The following RIT2 variants were observed in gnomAD, a reference collection of about 807,000 sequenced individuals.
RIT2 encodes the protein GTP-binding protein Rit2.
RIT2 carries 24 observed loss-of-function variants against 23.7 expected under a neutral mutation model. That is an observed-to-expected ratio of 1.01 (90% CI 0.73 to 1.43). The LOEUF is 1.43. Among genes scored for constraint, RIT2 ranks in the 40% most tolerant of loss-of-function variants. The pLI is 0.00. For synonymous variants in RIT2, 107 were observed against 91.1 expected (o/e 1.17, Z -0.99); for missense variants, 236 against 266.9 (o/e 0.88, Z 0.81).
At chr18:42,967,661 G>T (rs1435138744) in intron 3 of RIT2, among the ~76,000 whole-genome samples, 4 of 149,778 alleles carry the variant, frequency 2.7e-5, no homozygotes, top group Non-Finnish European at 4.4e-5. Flanking sequence ...AAAGTACTGG[G>T]ATTACAGGCG....
At chr18:42,823,483 G>A (rs1906207779) in intron 4 of RIT2, among the ~76,000 whole-genome samples, 1 of 152,096 alleles carries the variant, frequency 6.6e-6, no homozygotes, top group African/African-American at 2.4e-5. Context: ...GCAAAGATTA[G>A]GTGATTAAAT....
At chr18:42,855,833 A>T (rs1208245650) in intron 4 of RIT2, among the ~76,000 whole-genome samples, 1 of 152,204 alleles carries the variant, frequency 6.6e-6, no homozygotes, top group Non-Finnish European at 1.5e-5. Flanking sequence ...AAGGATGATG[A>T]TATGCAAACA....
At chr18:43,008,599 A>T (rs1014584335) in intron 2 of RIT2, among the ~76,000 whole-genome samples, 1 of 151,456 alleles carries the variant, frequency 6.6e-6, no homozygotes, top group African/African-American at 2.4e-5. Context: ...TAAAAAAAAA[A>T]TAAAAGAGCT....
At chr18:42,817,050 G>A (rs1027055292) in intron 4 of RIT2, among the ~76,000 whole-genome samples, 5 of 152,026 alleles carry the variant, frequency 3.3e-5, no homozygotes, top group African/African-American at 9.7e-5. Flanking sequence ...ACTTCAAAGA[G>A]CAAAGATTTA....
At chr18:42,887,863 G>T in intron 4 of RIT2, among the ~76,000 whole-genome samples, 1 of 152,128 alleles carries the variant, frequency 6.6e-6, no homozygotes, top group Middle Eastern at 3.2e-3. Context: ...AGAAGACATG[G>T]AAGAAGCTTA....
At chr18:43,002,767 C>A (rs532974889) in intron 2 of RIT2, among the ~76,000 whole-genome samples, 2 of 152,050 alleles carry the variant, frequency 1.3e-5, no homozygotes, top group Admixed American at 6.6e-5. Flanking sequence ...AAGTCTTAAT[C>A]CCCAAAATCT....
Position 43,081,057 on chromosome 18 carries a change from G to A in RIT2, c.103+34360C>T, listed in dbSNP as rs190264021. Among the ~76,000 whole-genome samples the A allele has an allele frequency of 1.8e-3, 272 of 152,210 alleles. 1 individual carries two copies. Among genetic ancestry groups the A allele is most frequent in the African/African-American group, 6.0e-3 (251 of 41,540 alleles). Reference sequence around the variant, plus strand: ...CAATGATCCTTATTAGCAAATTGCCGGGAGTTTTGGTGACAAATGAAAGTC... The same window carrying A: ...CAATGATCCTTATTAGCAAATTGCCAGGAGTTTTGGTGACAAATGAAAGTC... On this transcript the variant is annotated intron_variant, in intron 1 of 4. Transcript: ENST00000326695.
chr18:42,781,073 A>G (rs745516837), intron 4 of RIT2, among the ~76,000 whole-genome samples: 1 of 152,148 alleles, frequency 6.6e-6, no homozygotes, highest in Non-Finnish European at 1.5e-5. Flanking sequence ...GACTCAAATA[A>G]TAACTGTGAA....
intron 1 of RIT2, among the ~76,000 whole-genome samples, chr18:43,079,858 T>C (rs577136442): frequency 1.3e-5 from 2 of 152,292 alleles, no homozygotes; most frequent in Admixed American, 1.3e-4. Flanking sequence ...AATTTCAAAT[T>C]TGAATATGAA....
In RIT2 at chr18:42,986,403, C is replaced by T. The variant is rs1458169479; in HGVS notation, c.161-12256G>A. Reference sequence around the variant, plus strand: ...CCTCCAATGAAGGGCAGGCAAAAGACTTAGGGTTAGCTTTCTTTTTGGTTG... The same window carrying T: ...CCTCCAATGAAGGGCAGGCAAAAGATTTAGGGTTAGCTTTCTTTTTGGTTG... On this transcript the variant is annotated intron_variant, in intron 2 of 4. Transcript: ENST00000326695. Among the ~76,000 whole-genome samples the T allele has an allele frequency of 3.3e-5, 5 of 152,004 alleles. No individual in the cohort carries two copies. In the East Asian group the frequency reaches 9.7e-4, roughly 29 times the overall value.
At chr18:42,893,167 A>G (rs1908226886) in intron 4 of RIT2, among the ~76,000 whole-genome samples, 1 of 148,316 alleles carries the variant, frequency 6.7e-6, no homozygotes, top group Non-Finnish European at 1.5e-5. Flanking sequence ...GGCAGAAGTT[A>G]CAGTGAGCCA....
intron 4 of RIT2, among the ~76,000 whole-genome samples, chr18:42,811,070 T>C (rs1051942680): frequency 6.6e-6 from 1 of 152,080 alleles, no homozygotes; most frequent in African/African-American, 2.4e-5. Flanking sequence ...AGATTTTGTC[T>C]GGAAAGTTAG....
chr18:42,854,254 A>G (rs1568013412), intron 4 of RIT2, among the ~76,000 whole-genome samples: 1 of 152,170 alleles, frequency 6.6e-6, no homozygotes, highest in African/African-American at 2.4e-5. Context: ...TCTCCAATCA[A>G]TAGGTCAGAG....
intron 1 of RIT2, among the ~76,000 whole-genome samples, chr18:43,037,647 C>A (rs2144289225): frequency 6.6e-6 from 1 of 151,768 alleles, no homozygotes; most frequent in South Asian, 2.1e-4. Flanking sequence ...TTTTTCAAAG[C>A]TTTACCAATC....
chr18:42,851,875 A>G (rs1029327318), intron 4 of RIT2, among the ~76,000 whole-genome samples: 5 of 152,256 alleles, frequency 3.3e-5, no homozygotes, highest in Non-Finnish European at 7.4e-5. Flanking sequence ...AAAGACAGGT[A>G]AGGGTCTCAC....
chr18:42,860,015 T>G (rs1907285995), intron 4 of RIT2, among the ~76,000 whole-genome samples: 2 of 152,200 alleles, frequency 1.3e-5, no homozygotes, highest in South Asian at 4.1e-4. Flanking sequence ...GTTTATACCA[T>G]CTTGTGTTAC....
intron 4 of RIT2, among the ~76,000 whole-genome samples, chr18:42,806,122 T>C (rs959886067): frequency 6.9e-6 from 1 of 145,568 alleles, no homozygotes; most frequent in Non-Finnish European, 1.5e-5. Flanking sequence ...TATATATATA[T>C]ATATATATTT....
At chr18:43,057,224 A>T (rs1346594998) in intron 1 of RIT2, among the ~76,000 whole-genome samples, 1 of 152,064 alleles carries the variant, frequency 6.6e-6, no homozygotes, top group East Asian at 1.9e-4. Context: ...TTGTCCTATA[A>T]TATATTGTTC....
At chr18:42,847,727 T>TG (rs1178900065) in intron 4 of RIT2, among the ~76,000 whole-genome samples, 1 of 151,970 alleles carries the variant, frequency 6.6e-6, no homozygotes, top group Non-Finnish European at 1.5e-5. Flanking sequence ...GGTAGGCCTT[T>TG]GGGGAATAAC....
Sources: gnomAD v4.1 joint callset for allele counts (sites outside exome capture counted in the v4.1 genomes callset) on GRCh38, gnomAD v4.1.1 for gene constraint, MANE v1.5 for transcripts, NCBI Gene and HGNC (gene_info 2026-07-23, HGNC 2026-07-21) for gene names.